Variants in DLGAP2 observed in about 807,000 individuals in gnomAD.
The protein encoded by DLGAP2 is DLG associated protein 2, also known as disks large-associated protein 2.
In DLGAP2, 26 loss-of-function variants were observed where a neutral mutation model predicts 100.3. The ratio of observed to expected loss-of-function variants is 0.26; its 90% CI spans 0.19 to 0.36. DLGAP2 has a LOEUF of 0.36. Ranked by LOEUF, DLGAP2 falls within the 10% of genes least tolerant of loss-of-function variation. DLGAP2 has a pLI of 1.00. For synonymous variants in DLGAP2, 886 were observed against 630.1 expected, an observed-to-expected ratio of 1.41 and a Z score of -6.08; for missense variants, 1,858 against 1,453.2, an observed-to-expected ratio of 1.28 and a Z score of -4.53.
intron 2 of DLGAP2, among the ~76,000 whole-genome samples, chr8:1,001,232 A>C (rs1012151624): frequency 6.6e-6 from 1 of 152,222 alleles, no homozygotes; most frequent in East Asian, 1.9e-4. Context: ...TATTGTGATC[A>C]GGACAGGGTT....
intron 3 of DLGAP2, among the ~76,000 whole-genome samples, chr8:1,276,050 A>G (rs1185030372): frequency 3.6e-5 from 5 of 139,992 alleles, no homozygotes; most frequent in South Asian, 2.1e-4. Flanking sequence ...ATAAAAATAT[A>G]TAATATATAA....
At chr8:1,561,996 G>C (rs1171902901) in intron 5 of DLGAP2, among the ~76,000 whole-genome samples, 1 of 62,992 alleles carries the variant, frequency 1.6e-5, no homozygotes, top group Admixed American at 2.1e-4. Flanking sequence ...TGTGGTGTTG[G>C]GGTGTCGGCG....
At chr8:1,381,901 A>G (rs868640626) in intron 3 of DLGAP2, among the ~76,000 whole-genome samples, 2 of 152,134 alleles carry the variant, frequency 1.3e-5, no homozygotes, top group African/African-American at 4.8e-5. Flanking sequence ...AAGGAAATAT[A>G]AAATGTACGT....
intron 2 of DLGAP2, among the ~76,000 whole-genome samples, chr8:1,216,324 G>A (rs1016315481): frequency 7.9e-5 from 12 of 152,030 alleles, no homozygotes; most frequent in African/African-American, 2.4e-4. Flanking sequence ...AGGCATGTCC[G>A]TACTTCAGGG....
chr8:859,862 G>A (rs1585942268), intron 1 of DLGAP2, among the ~76,000 whole-genome samples: 1 of 152,166 alleles, frequency 6.6e-6, no homozygotes, highest in Non-Finnish European at 1.5e-5. Context: ...GAAGACGGAA[G>A]ACGTGGCTGG....
intron 2 of DLGAP2, among the ~76,000 whole-genome samples, chr8:1,040,225 C>A (rs1320186518): frequency 6.8e-6 from 1 of 147,398 alleles, no homozygotes; most frequent in Non-Finnish European, 1.5e-5. Flanking sequence ...TGTGCATGGT[C>A]GGCTCGGTTT....
chr8:999,586 C>G (rs1490440357), intron 2 of DLGAP2, among the ~76,000 whole-genome samples: 2 of 150,996 alleles, frequency 1.3e-5, no homozygotes, highest in African/African-American at 4.9e-5. Context: ...TCAAGTGATT[C>G]TCCTGCCTCA....
intron 3 of DLGAP2, among the ~76,000 whole-genome samples, chr8:1,494,841 A>G (rs909307165): frequency 1.3e-5 from 2 of 152,170 alleles, no homozygotes; most frequent in African/African-American, 4.8e-5. Flanking sequence ...GTTGAGGCTC[A>G]GCTTCACGGA....
chr8:1,449,625 G>C (rs990184588), intron 3 of DLGAP2, among the ~76,000 whole-genome samples: 1 of 152,192 alleles, frequency 6.6e-6, no homozygotes, highest in Non-Finnish European at 1.5e-5. Context: ...AACGGGCAAT[G>C]CTGAGGCTGA....
intron 2 of DLGAP2, among the ~76,000 whole-genome samples, chr8:1,036,374 G>T (rs1411135943): frequency 1.3e-5 from 2 of 152,248 alleles, no homozygotes; most frequent in Non-Finnish European, 2.9e-5. Flanking sequence ...ACCCCCCGAC[G>T]TGTGGTGTGA....
At chr8:1,268,832 C>T (rs1254062681) in intron 3 of DLGAP2, among the ~76,000 whole-genome samples, 2 of 152,328 alleles carry the variant, frequency 1.3e-5, no homozygotes, top group African/African-American at 2.4e-5. Context: ...TCTGACTTGG[C>T]AGGTGCTAAG....
chr8:1,244,321 C>T (rs887179520), intron 2 of DLGAP2, among the ~76,000 whole-genome samples: 1 of 152,190 alleles, frequency 6.6e-6, no homozygotes, highest in Non-Finnish European at 1.5e-5. Context: ...AGGTCATAGA[C>T]CATTTTTTCT....
At chr8:1,509,536 T>G (rs1800083263) in intron 4 of DLGAP2, among the ~76,000 whole-genome samples, 1 of 151,840 alleles carries the variant, frequency 6.6e-6, no homozygotes, top group South Asian at 2.1e-4. Flanking sequence ...ATCAGGGTGG[T>G]GCAGAGAAAG....
In DLGAP2 at chr8:1,549,277, G is replaced by T. The variant is rs761687356; in HGVS notation, c.824G>T (p.Ser275Ile). The T allele has an allele frequency of 1.9e-6, 3 of 1,611,574 alleles. No individual in the cohort carries two copies. Among genetic ancestry groups the T allele is most frequent in the Non-Finnish European group, 2.5e-6 (3 of 1,179,480 alleles). ...DHHHAHHAKHSKRSKSKERKP... is the reference protein window; with the variant it reads ...DHHHAHHAKHIKRSKSKERKP... ...CACCACGCCCACCACGCCAAGCACA[G>T]CAAGAGGAGCAAGAGCAAGGAGCGC... The change falls in exon 5 of 15, where the codon AGC becomes ATC. Residue 275 changes from serine to isoleucine, a missense_variant. Ser to Ile is a moderately radical substitution (Grantham distance 142). Transcript: ENST00000637795.
At chr8:1,627,525 C>G (rs1234227041) in intron 7 of DLGAP2, among the ~76,000 whole-genome samples, 1 of 152,246 alleles carries the variant, frequency 6.6e-6, no homozygotes, top group African/African-American at 2.4e-5. Flanking sequence ...GTCCTTCAGT[C>G]TAATCATCCT....
chr8:868,143 G>C (rs1797532230), intron 1 of DLGAP2, among the ~76,000 whole-genome samples: 1 of 152,192 alleles, frequency 6.6e-6, no homozygotes, highest in Non-Finnish European at 1.5e-5. Flanking sequence ...TATTTAAGGA[G>C]TGTAATTAAC....
At chr8:1,144,390 G>A (rs753071424) in intron 2 of DLGAP2, among the ~76,000 whole-genome samples, 4 of 152,234 alleles carry the variant, frequency 2.6e-5, no homozygotes, top group African/African-American at 9.6e-5. Flanking sequence ...AAAGAATGCT[G>A]TAAGAAATCC....
intron 4 of DLGAP2, among the ~76,000 whole-genome samples, chr8:1,547,970 ACTT>A (rs1801599532): frequency 6.6e-6 from 1 of 152,162 alleles, no homozygotes; most frequent in South Asian, 2.1e-4. Flanking sequence ...TATTTTTAAA[ACTT>A]CTTAAGCTGT....
At chr8:953,672 A>T (rs1799533101) in intron 2 of DLGAP2, among the ~76,000 whole-genome samples, 1 of 151,230 alleles carries the variant, frequency 6.6e-6, no homozygotes, top group African/African-American at 2.5e-5. Context: ...TCACATAAAA[A>T]CAGAGTTGCG....
Sources: gnomAD v4.1 joint callset for allele counts (sites outside exome capture counted in the v4.1 genomes callset) on GRCh38, gnomAD v4.1.1 for gene constraint, MANE v1.5 for transcripts, NCBI Gene and HGNC (gene_info 2026-07-23, HGNC 2026-07-21) for gene names.